MYOF: variants seen among roughly 807,000 people sequenced by gnomAD.
MYOF encodes myoferlin.
MYOF carries 244 observed loss-of-function variants against 284.2 expected under a neutral mutation model. The observed-to-expected ratio is 0.86, with a 90% CI of 0.77 to 0.95. MYOF has a LOEUF of 0.95. Among genes scored for constraint, MYOF ranks in the 40% least tolerant of loss-of-function variants. The pLI is 0.00. For missense variants in MYOF, 2,496 were observed against 2,560.6 expected (o/e 0.97, Z 0.54); for synonymous variants, 904 against 919.7 (o/e 0.98, Z 0.31).
At chr10:93,337,556 C>T (rs1183935220) in intron 40 of MYOF, 4 of 421,140 alleles carry the variant, frequency 9.5e-6, no homozygotes, top group African/African-American at 6.1e-5. Context: ...GGTGCCAGCC[C>T]ATTCCCAACC....
chr10:93,307,547 G>A (rs1482283420), intron 53 of MYOF, among the ~76,000 whole-genome samples: 2 of 151,958 alleles, frequency 1.3e-5, no homozygotes, highest in African/African-American at 2.4e-5. Flanking sequence ...TGATCCGCCT[G>A]CCTCGGCCTC....
chr10:93,375,262 T>G (rs1589461959), intron 22 of MYOF, among the ~76,000 whole-genome samples: 1 of 152,238 alleles, frequency 6.6e-6, no homozygotes, highest in African/African-American at 2.4e-5. Context: ...CAGTGGCAGC[T>G]GAGAGAAACT....
intron 3 of MYOF, among the ~76,000 whole-genome samples, chr10:93,449,642 T>C (rs12261469): frequency 0.078 from 11,835 of 152,172 alleles, 1,305 homozygotes; most frequent in African/African-American, 0.24. Flanking sequence ...CAGAACCTGC[T>C]AGAATGTATG....
Position 93,347,633 on chromosome 10 carries a change from G to A in MYOF, c.4233C>T (p.Ile1411=), listed in dbSNP as rs962963866. 10 of 1,612,318 alleles carry A rather than the reference G, an allele frequency of 6.2e-6. No individual in the cohort carries two copies. The highest frequency in any genetic ancestry group is 3.3e-5 in the Admixed American group (2 of 59,942). ...RCDPYAGKED[I]VPQLKASLLS... is the part of the protein sequence containing the mutation. ...GCATGTTACCTTTGAGCTGTGGGAC[G>A]ATGTCCTCTTTCCCTGCATAAGGGT... Residue 1411 remains isoleucine (I), a synonymous_variant, in exon 37 of 54, where the codon ATC becomes ATT. Coordinates refer to ENST00000359263, the MANE Select transcript of MYOF (RefSeq NM_013451.4).
intron 18 of MYOF, 41 bp from the exon 19 acceptor site, chr10:93,387,954 C>T (rs769089782): frequency 6.7e-6 from 10 of 1,496,930 alleles, no homozygotes; most frequent in Non-Finnish European, 8.4e-6. Context: ...TAGGCAGCAA[C>T]AGCAAAAAGA....
At chr10:93,408,764 A>G (rs751211318) in intron 7 of MYOF, 23 bp downstream of exon 7, 1 of 1,613,988 alleles carries the variant, frequency 6.2e-7, no homozygotes, top group South Asian at 1.1e-5. Context: ...ATGAGCAGAA[A>G]CATGCCCTCT....
intron 28 of MYOF, among the ~76,000 whole-genome samples, chr10:93,361,035 A>G (rs10882220): frequency 0.37 from 56,591 of 152,152 alleles, 11,541 homozygotes; most frequent in East Asian, 0.88. Context: ...CAGATGCCAC[A>G]GACCAGCGGT....
At chr10:93,338,058 C>A in intron 39 of MYOF, 145 bp from the exon 40 acceptor site, 1 of 652,116 alleles carries the variant, frequency 1.5e-6, no homozygotes. Context: ...TTTACATGCA[C>A]AATGGACAAA....
intron 1 of MYOF, among the ~76,000 whole-genome samples, chr10:93,472,595 C>T (rs759012555): frequency 6.6e-6 from 1 of 152,086 alleles, no homozygotes; most frequent in South Asian, 2.1e-4. Context: ...GCCAAGATGG[C>T]GCCATTGCAC....
At chr10:93,336,146 G>C (rs1843597741) in intron 40 of MYOF, 100 bp from the exon 41 acceptor site, 4 of 1,366,178 alleles carry the variant, frequency 2.9e-6, no homozygotes, top group Middle Eastern at 1.9e-4. Context: ...GTTGTGGATG[G>C]GGCGACCGGA....
At chr10:93,447,400 C>T (rs113937800) in intron 3 of MYOF, among the ~76,000 whole-genome samples, 2,634 of 152,286 alleles carry the variant, frequency 0.017, 86 homozygotes, top group African/African-American at 0.061. Flanking sequence ...GCACCAGCAG[C>T]TCCTGGGGAC....
chr10:93,365,146 G>A (rs2133942170), intron 26 of MYOF, among the ~76,000 whole-genome samples: 1 of 152,294 alleles, frequency 6.6e-6, no homozygotes, highest in African/African-American at 2.4e-5. Context: ...AAGCACGTTT[G>A]GGTCTTAAGA....
At chr10:93,402,803 TC>T in intron 10 of MYOF, 56 bp downstream of exon 10, 1 of 1,471,722 alleles carries the variant, frequency 6.8e-7, no homozygotes, top group Non-Finnish European at 9.5e-7. Flanking sequence ...AGAATCATCT[TC>T]AGAGTTAGAA....
intron 32 of MYOF, among the ~76,000 whole-genome samples, chr10:93,353,430 T>C (rs778704893): frequency 1.3e-5 from 2 of 152,280 alleles, no homozygotes; most frequent in South Asian, 2.1e-4. Context: ...TATCATCTTT[T>C]TGATACCTTG....
chr10:93,428,906 C>A (rs1564711337), intron 4 of MYOF, among the ~76,000 whole-genome samples: 1 of 152,202 alleles, frequency 6.6e-6, no homozygotes, highest in Non-Finnish European at 1.5e-5. Flanking sequence ...TGTTCTATAA[C>A]CTCAGGATTC....
chr10:93,307,312 T>TTGAGA (rs1338736285), intron 53 of MYOF, among the ~76,000 whole-genome samples: 1 of 151,892 alleles, frequency 6.6e-6, no homozygotes, highest in African/African-American at 2.4e-5. Context: ...TATTTTTTTT[T>TTGAGA]TGAGATGGAG....
intron 19 of MYOF, among the ~76,000 whole-genome samples, chr10:93,383,843 G>T (rs1234125471): frequency 6.6e-6 from 1 of 152,166 alleles, no homozygotes; most frequent in African/African-American, 2.4e-5. Flanking sequence ...ATCATGGGGA[G>T]GCTTGGAGGT....
intron 31 of MYOF, among the ~76,000 whole-genome samples, 159 bp from the exon 32 acceptor site, chr10:93,354,047 C>T (rs1844666199): frequency 6.6e-6 from 1 of 152,196 alleles, no homozygotes; most frequent in Non-Finnish European, 1.5e-5. Flanking sequence ...GATGATGTGG[C>T]CTCCCAAAGT....
At chr10:93,399,921 C>T (rs140150711) in intron 12 of MYOF, among the ~76,000 whole-genome samples, 8 of 152,192 alleles carry the variant, frequency 5.3e-5, no homozygotes, top group Admixed American at 1.3e-4. Context: ...CCTGTAATCC[C>T]GGCCACTTGG....
Sources: gnomAD v4.1 joint callset for allele counts (sites outside exome capture counted in the v4.1 genomes callset) on GRCh38, gnomAD v4.1.1 for gene constraint, MANE v1.5 for transcripts, NCBI Gene and HGNC (gene_info 2026-07-23, HGNC 2026-07-21) for gene names.